NRIP1: variants seen among roughly 807,000 people sequenced by gnomAD.
The protein encoded by NRIP1 is nuclear receptor interacting protein 1, also known as nuclear receptor-interacting protein 1.
Under a neutral mutation model 75.0 loss-of-function variants are expected in NRIP1, and 28 were observed. The ratio of observed to expected loss-of-function variants is 0.37; its 90% CI spans 0.28 to 0.51. The LOEUF (loss-of-function observed/expected upper bound fraction) is 0.51, where lower values mean the gene tolerates loss of function less well. NRIP1 is among the 20% of genes least tolerant of loss of function. The pLI is 0.92. For missense variants in NRIP1, 1,435 were observed against 1,343.7 expected (o/e 1.07, Z -1.06); for synonymous variants, 526 against 487.6 (o/e 1.08, Z -1.04).
At chr21:15,030,751 G>T (rs1327326619) in intron 2 of NRIP1, among the ~76,000 whole-genome samples, 1 of 152,202 alleles carries the variant, frequency 6.6e-6, no homozygotes, top group Non-Finnish European at 1.5e-5. Context: ...GAAGAAGGGA[G>T]GTCCCAAGGC....
rs1416714678 is a variant in NRIP1, at chr21:14,967,530, A to G, written c.663T>C (p.His221=). 2 of 1,614,178 alleles carry G rather than the reference A, an allele frequency of 1.2e-6. No individual in the cohort carries two copies. Among genetic ancestry groups the G allele is most frequent in the East Asian group, 2.2e-5 (1 of 44,878 alleles). Residue 221 remains histidine, a synonymous_variant, in exon 4 of 4, where the codon CAT becomes CAC. Transcript: ENST00000318948. ...TGACCTTTGTTCCACTTTGTCCAAC[A>G]TGATGAGGAGACTCTGCAAACCTAT... ...IRDRFAESPH[H]VGQSGTKVMS... is the part of the protein sequence containing the mutation.
intron 2 of NRIP1, among the ~76,000 whole-genome samples, chr21:15,032,415 C>G (rs1323755208): frequency 1.3e-5 from 2 of 151,878 alleles, no homozygotes; most frequent in Non-Finnish European, 2.9e-5. Context: ...AACACAGTAT[C>G]TGTAATATAC....
Position 14,961,503 on chromosome 21 carries a change from C to T in NRIP1, c.*3213G>A, listed in dbSNP as rs535413926. On this transcript the variant is annotated 3_prime_UTR_variant, in exon 4 of 4. Coordinates refer to ENST00000318948, the MANE Select transcript of NRIP1 (RefSeq NM_003489.4). ...TGGGATACTCTTGGAATAATGTTTG[C>T]AATGGGATTAAAAAATTCATGAAAG... The T allele has an allele frequency of 3.9e-5, 6 of 152,368 alleles. No homozygotes were observed. Among genetic ancestry groups the T allele is most frequent in the Non-Finnish European group, 8.8e-5 (6 of 67,856 alleles). The allele number at this position is 152,368 out of a possible 1,614,324, so 9.4% of individuals were successfully genotyped here.
chr21:15,053,993 G>A (rs902270931), intron 1 of NRIP1, among the ~76,000 whole-genome samples: 2 of 152,032 alleles, frequency 1.3e-5, no homozygotes, highest in African/African-American at 4.8e-5. Context: ...AAATCTCTGA[G>A]CTCCATTTCA....
At chr21:15,062,893 A>T (rs1201190225) in intron 1 of NRIP1, among the ~76,000 whole-genome samples, 1 of 152,226 alleles carries the variant, frequency 6.6e-6, no homozygotes, top group African/African-American at 2.4e-5. Flanking sequence ...AGCAAAATCC[A>T]AGTTCTGCAG....
At chr21:15,014,570 C>A in intron 2 of NRIP1, 104 bp from the exon 3 acceptor site, 1 of 397,224 alleles carries the variant, frequency 2.5e-6, no homozygotes, top group South Asian at 1.3e-4. Flanking sequence ...TGTTCAAGTT[C>A]AATGCAAAAG....
chr21:14,969,235 T>C (rs2086841094), intron 3 of NRIP1, among the ~76,000 whole-genome samples: 1 of 152,216 alleles, frequency 6.6e-6, no homozygotes, highest in South Asian at 2.1e-4. Context: ...AGAGGAGTGA[T>C]TCTTTAGATG....
At chr21:14,974,163 AAACAT>A (rs1175659665) in intron 3 of NRIP1, 3 of 152,198 alleles carry the variant, frequency 2.0e-5, no homozygotes, top group Non-Finnish European at 4.4e-5. Flanking sequence ...ATAAGAATTT[AAACAT>A]AACATTGTAA....
chr21:15,054,534 G>T (rs2089267716), intron 1 of NRIP1, among the ~76,000 whole-genome samples: 1 of 152,070 alleles, frequency 6.6e-6, no homozygotes, highest in African/African-American at 2.4e-5. Flanking sequence ...TAATTAGTAT[G>T]CCTGGAAAGA....
At chr21:14,972,942 T>C (rs1201566908) in intron 3 of NRIP1, among the ~76,000 whole-genome samples, 1 of 152,202 alleles carries the variant, frequency 6.6e-6, no homozygotes, top group African/African-American at 2.4e-5. Flanking sequence ...TGTGGCCCAG[T>C]TCCTAACAGG....
chr21:15,011,729 C>T lies in NRIP1; in HGVS notation c.-335+2615G>A, dbSNP rs564070217. The stretch of plus-strand genomic sequence containing the variant: ...TTTATGGTCATTTAGTTAACACTAC[C>T]GAAAATATTCTCTGTTTTTGTATCA... On this transcript the variant is annotated intron_variant, in intron 3 of 3. Coordinates refer to ENST00000318948, the MANE Select transcript of NRIP1 (RefSeq NM_003489.4). Among the ~76,000 whole-genome samples, 219 of 151,960 alleles carry T rather than the reference C, an allele frequency of 1.4e-3. 1 individual carries two copies. Among genetic ancestry groups the T allele is most frequent in the African/African-American group, 4.8e-3 (199 of 41,428 alleles).
chr21:15,034,194 G>A (rs1054294471), intron 2 of NRIP1, among the ~76,000 whole-genome samples: 3 of 152,158 alleles, frequency 2.0e-5, no homozygotes, highest in Non-Finnish European at 4.4e-5. Context: ...AAAAAGCTGA[G>A]GAAATGTTGG....
rs75167231 is a variant in NRIP1 at position 15,041,046 on chromosome 21, C to G, written c.-458+2449G>C. 0.012 allele frequency among the ~76,000 whole-genome samples: 1,893 copies of G among 152,026 alleles called. 211 individuals are homozygous for G. In the East Asian group the frequency reaches 0.26, roughly 21 times the overall value. On this transcript the variant is annotated intron_variant, in intron 2 of 3. Transcript: ENST00000318948. ...TGAAGGCTTATTTCTACCAAAAGAC[C>G]CAAAAAAGTTCACAGCAGCCTTATT...
chr21:15,012,170 C>T (rs1421371188), intron 3 of NRIP1, among the ~76,000 whole-genome samples: 1 of 152,158 alleles, frequency 6.6e-6, no homozygotes, highest in Admixed American at 6.5e-5. Flanking sequence ...ACCAGATCCT[C>T]CTTTTGGAGA....
intron 2 of NRIP1, among the ~76,000 whole-genome samples, chr21:15,018,000 T>C (rs552947849): frequency 2.4e-4 from 37 of 152,216 alleles, no homozygotes; most frequent in Non-Finnish European, 4.0e-4. Context: ...CTAACATTAA[T>C]ACTTAAAGTT....
At chr21:15,011,025 G>A (rs937578384) in intron 3 of NRIP1, among the ~76,000 whole-genome samples, 1 of 152,076 alleles carries the variant, frequency 6.6e-6, no homozygotes, top group African/African-American at 2.4e-5. Context: ...CCAGCATCAC[G>A]TTTCTACTAA....
At chr21:15,012,447 CTTTTTTTTTTTT>C (rs869160226) in intron 3 of NRIP1, among the ~76,000 whole-genome samples, 12 of 79,378 alleles carry the variant, frequency 1.5e-4, no homozygotes, top group African/African-American at 4.6e-4. Flanking sequence ...ATTATAATGT[CTTTTTTTTTTTT>C]TTTTTTTTTT....
chr21:14,966,545 G>T lies in NRIP1; in HGVS notation c.1648C>A (p.Pro550Thr). The change falls in exon 4 of 4, where the codon CCA (proline) becomes ACA (threonine). Residue 550 changes from proline (P) to threonine (T), a missense_variant. Pro to Thr is a conservative substitution (Grantham distance 38). Coordinates refer to ENST00000318948, the MANE Select transcript of NRIP1 (RefSeq NM_003489.4). ...IESPSTNRTTPVSTPPLLTSS... is the reference protein window; with the variant it reads ...IESPSTNRTTTVSTPPLLTSS... ...GTAAGTAAAGGTGGAGTGCTCACTG[G>T]AGTAGTCCGATTTGTACTGGGGCTT... The T allele has an allele frequency of 3.7e-6, 6 of 1,614,096 alleles. No individual in the cohort carries two copies. The highest frequency in any genetic ancestry group is 3.4e-6 in the Non-Finnish European group (4 of 1,179,988).
At chr21:14,988,004 C>T (rs1315206005) in intron 3 of NRIP1, 5 of 152,166 alleles carry the variant, frequency 3.3e-5, no homozygotes, top group African/African-American at 9.7e-5. Context: ...TTATGCAGCA[C>T]TCTGAGAATT....
Sources: gnomAD v4.1 joint callset for allele counts (sites outside exome capture counted in the v4.1 genomes callset) on GRCh38, gnomAD v4.1.1 for gene constraint, MANE v1.5 for transcripts, NCBI Gene and HGNC (gene_info 2026-07-23, HGNC 2026-07-21) for gene names.